Variants in SIPA1L3 observed in about 807,000 individuals in gnomAD.
SIPA1L3 encodes the protein signal-induced proliferation-associated 1-like protein 3.
A neutral mutation model predicts 150.1 loss-of-function variants in SIPA1L3; 59 were observed. The observed-to-expected ratio is 0.39, with a 90% CI of 0.32 to 0.49. SIPA1L3 has a LOEUF of 0.49. SIPA1L3 is among the 20% of genes least tolerant of loss of function. The probability of loss-of-function intolerance (pLI) is 0.86; values close to 1 mark genes in which losing one functional copy is unlikely to be tolerated. For synonymous variants in SIPA1L3, 1,070 were observed against 1,077.6 expected (o/e 0.99, Z 0.14); for missense variants, 2,211 against 2,489.5 (o/e 0.89, Z 2.38).
intron 1 of SIPA1L3, among the ~76,000 whole-genome samples, chr19:37,935,108 T>A (rs922251724): frequency 6.6e-6 from 1 of 152,210 alleles, no homozygotes. Context: ...CAATGATGCC[T>A]CTCGTCCAGA....
At chr19:38,020,283 TTC>T (rs1186106036) in intron 1 of SIPA1L3, among the ~76,000 whole-genome samples, 6 of 152,214 alleles carry the variant, frequency 3.9e-5, no homozygotes, top group Non-Finnish European at 8.8e-5. Flanking sequence ...ACCGTAGACT[TTC>T]TCACTGTTAG....
At chr19:38,057,068 C>G (rs1234112318) in intron 2 of SIPA1L3, among the ~76,000 whole-genome samples, 2 of 152,004 alleles carry the variant, frequency 1.3e-5, no homozygotes, top group Non-Finnish European at 2.9e-5. Context: ...GTCAGGGGTT[C>G]GAGACCAGTC....
intron 1 of SIPA1L3, among the ~76,000 whole-genome samples, chr19:37,975,229 G>A (rs200010972): frequency 6.6e-6 from 1 of 152,170 alleles, no homozygotes; most frequent in East Asian, 1.9e-4. Flanking sequence ...AGGAAACAGA[G>A]AGAGAGCGAG....
At chr19:38,001,345 C>A (rs563108339) in intron 1 of SIPA1L3, among the ~76,000 whole-genome samples, 36 of 152,264 alleles carry the variant, frequency 2.4e-4, no homozygotes, top group African/African-American at 8.7e-4. Flanking sequence ...TTTATCTTCT[C>A]TCCCACCTTT....
At position 38,119,444 on chromosome 19, in the gene SIPA1L3, C is replaced by T. The variant is rs746094333; in HGVS notation, c.2430C>T (p.Ser810=). The change falls in exon 9 of 22, where the codon TCC becomes TCT. Residue 810 remains serine (S), a synonymous_variant. Coordinates refer to ENST00000222345, the MANE Select transcript of SIPA1L3 (RefSeq NM_015073.3). ...VINAENAAHK[S]DKFHTMATRT... is the part of the protein sequence containing the mutation. ...ACGCTGAGAACGCCGCGCACAAGTCCGACAAGTTCCACACCATGGCCACCA... is the reference window on the plus strand; with the variant it reads ...ACGCTGAGAACGCCGCGCACAAGTCTGACAAGTTCCACACCATGGCCACCA... 49 of 1,614,012 alleles carry T rather than the reference C, an allele frequency of 3.0e-5. No individual in the cohort carries two copies. The highest frequency in any genetic ancestry group is 8.0e-5 in the African/African-American group (6 of 74,908).
chr19:38,080,839 CA>C (rs778547585), intron 2 of SIPA1L3, among the ~76,000 whole-genome samples: 4 of 151,848 alleles, frequency 2.6e-5, no homozygotes, highest in African/African-American at 4.8e-5. Flanking sequence ...GGCATGGTAG[CA>C]CATGCTGGAA....
intron 18 of SIPA1L3, among the ~76,000 whole-genome samples, chr19:38,194,849 G>A (rs192571934): frequency 6.6e-6 from 1 of 152,156 alleles, no homozygotes; most frequent in African/African-American, 2.4e-5. Context: ...TCAGGAGTTC[G>A]AGACCAGCCT....
chr19:38,202,325 C>T (rs1228531147), intron 20 of SIPA1L3, among the ~76,000 whole-genome samples: 5 of 152,048 alleles, frequency 3.3e-5, no homozygotes, highest in African/African-American at 7.2e-5. Flanking sequence ...CGGTGGCTCA[C>T]GCCTGTAAAC....
intron 15 of SIPA1L3, among the ~76,000 whole-genome samples, chr19:38,170,580 C>T (rs1004134836): frequency 8.5e-5 from 13 of 152,188 alleles, no homozygotes; most frequent in South Asian, 2.1e-4. Context: ...ACACAGCGAG[C>T]GCCTGCTGTG....
chr19:38,187,007 C>CAAAAAA, intron 16 of SIPA1L3, among the ~76,000 whole-genome samples: 1 of 80,298 alleles, frequency 1.2e-5, no homozygotes. Context: ...AACTCTGTCT[C>CAAAAAA]AAAAAAAAAA....
intron 16 of SIPA1L3, among the ~76,000 whole-genome samples, chr19:38,188,627 AAAGT>A (rs1213844796): frequency 1.3e-5 from 2 of 152,106 alleles, no homozygotes; most frequent in African/African-American, 4.8e-5. Context: ...TTTGCAATAG[AAAGT>A]AAGCCTCTCG....
intron 1 of SIPA1L3, among the ~76,000 whole-genome samples, chr19:38,017,201 G>A (rs770816910): frequency 1.3e-5 from 2 of 152,028 alleles, no homozygotes; most frequent in Non-Finnish European, 2.9e-5. Context: ...CCAACTTCGT[G>A]TCTTTATTGA....
chr19:38,074,344 A>C (rs1183901839), intron 2 of SIPA1L3, among the ~76,000 whole-genome samples: 1 of 152,264 alleles, frequency 6.6e-6, no homozygotes, highest in Non-Finnish European at 1.5e-5. Flanking sequence ...CCATCAGCAA[A>C]GCCCATCTGT....
chr19:38,055,994 C>T (rs899436538), intron 2 of SIPA1L3, among the ~76,000 whole-genome samples: 4 of 152,218 alleles, frequency 2.6e-5, no homozygotes, highest in Non-Finnish European at 4.4e-5. Flanking sequence ...CCTGAGACGG[C>T]TCATTTATTC....
chr19:37,911,412 C>G (rs372301878), intron 1 of SIPA1L3, among the ~76,000 whole-genome samples: 2 of 152,232 alleles, frequency 1.3e-5, no homozygotes, highest in African/African-American at 4.8e-5. Context: ...TCTGGCTTAT[C>G]CTTTTCAACA....
At chr19:38,153,889 G>A (rs1357205100) in intron 13 of SIPA1L3, among the ~76,000 whole-genome samples, 1 of 151,984 alleles carries the variant, frequency 6.6e-6, no homozygotes, top group East Asian at 1.9e-4. Flanking sequence ...AGCCGAGATC[G>A]AGTCACTGCA....
chr19:38,136,650 G>GT (rs1215352070), intron 10 of SIPA1L3, among the ~76,000 whole-genome samples: 1 of 152,168 alleles, frequency 6.6e-6, no homozygotes, highest in Non-Finnish European at 1.5e-5. Flanking sequence ...CTTCTCAAAT[G>GT]TTATTGTGTA....
intron 19 of SIPA1L3, among the ~76,000 whole-genome samples, chr19:38,201,557 T>C (rs1013511779): frequency 2.0e-5 from 3 of 152,226 alleles, no homozygotes; most frequent in Admixed American, 2.0e-4. Context: ...CACGCCAGGT[T>C]CGGAATCCGG....
chr19:38,005,141 C>A (rs919017947), intron 1 of SIPA1L3, among the ~76,000 whole-genome samples: 1 of 152,008 alleles, frequency 6.6e-6, no homozygotes, highest in African/African-American at 2.4e-5. Context: ...GTCATTGCTC[C>A]CTCTGTCCCC....
Sources: gnomAD v4.1 joint callset for allele counts (sites outside exome capture counted in the v4.1 genomes callset) on GRCh38, gnomAD v4.1.1 for gene constraint, MANE v1.5 for transcripts, NCBI Gene and HGNC (gene_info 2026-07-23, HGNC 2026-07-21) for gene names.